ACAN: variants seen among roughly 807,000 people sequenced by gnomAD.
ACAN encodes the protein aggrecan core protein.
A neutral mutation model predicts 169.1 loss-of-function variants in ACAN; 47 were observed. The observed-to-expected ratio is 0.28, with a 90% CI of 0.22 to 0.35. The LOEUF is 0.35. ACAN is among the 10% of genes least tolerant of loss of function. The pLI, the probability that ACAN is intolerant of heterozygous loss-of-function variation, is 1.00. For missense variants in ACAN, 2,716 were observed against 2,759.9 expected, an observed-to-expected ratio of 0.98 and a Z score of 0.36; for synonymous variants, 1,115 against 1,112.2, an observed-to-expected ratio of 1.00 and a Z score of -0.05.
intron 1 of ACAN, among the ~76,000 whole-genome samples, chr15:88,819,688 C>T (rs1896026890): frequency 6.6e-6 from 1 of 151,888 alleles, no homozygotes; most frequent in South Asian, 2.1e-4. Flanking sequence ...ATCACTTGAA[C>T]CCAGGAATTG....
intron 13 of ACAN, among the ~76,000 whole-genome samples, chr15:88,865,320 G>A (rs940946740): frequency 1.3e-5 from 2 of 152,026 alleles, no homozygotes; most frequent in Non-Finnish European, 2.9e-5. Context: ...CCTCCACGTG[G>A]GGCAGAAGCC....
intron 5 of ACAN, 91 bp downstream of exon 5, chr15:88,841,958 A>T: frequency 6.5e-7 from 1 of 1,542,852 alleles, no homozygotes; most frequent in Non-Finnish European, 8.9e-7. Flanking sequence ...GAGATCACAC[A>T]GGCTGCCAGC....
chr15:88,859,708 G>A (rs1029103619), intron 12 of ACAN, among the ~76,000 whole-genome samples: 1 of 152,206 alleles, frequency 6.6e-6, no homozygotes, highest in African/African-American at 2.4e-5. Context: ...TGATGTTATC[G>A]TTACAGCGGA....
At chr15:88,830,608 C>CTACAAATACTTCCCTT (rs1896335463) in intron 1 of ACAN, among the ~76,000 whole-genome samples, 1 of 151,916 alleles carries the variant, frequency 6.6e-6, no homozygotes, top group Non-Finnish European at 1.5e-5. Flanking sequence ...ATACTTCCCT[C>CTACAAATACTTCCCTT]TGTGTATCTA....
rs1243808924 is a variant in ACAN at position 88,839,970 on chromosome 15, C to A, written c.455-42C>A. 22 of 1,566,838 alleles carry A rather than the reference C, an allele frequency of 1.4e-5. No homozygotes were observed. The highest frequency in any genetic ancestry group is 1.8e-5 in the Non-Finnish European group (21 of 1,153,572). On this transcript the variant is annotated intron_variant, in intron 3 of 18. Transcript: ENST00000560601. This position sits in a 1 kb window ranked among gnomAD's most constrained non-coding sequence, Gnocchi z 4.5. ...GGGCCTCGGTGATCAGAGACTGTGC[C>A]TGACCAGCTCTTCCGCTTGTGGGCG...
rs748671945 is a variant in ACAN, at chr15:88,855,144, G to C, written c.2559G>C (p.Glu853Asp). Residue 853 changes from glutamate (E) to aspartate (D), a missense_variant, in exon 12 of 19, where the codon GAG (glutamate) becomes GAC (aspartate). Transcript: ENST00000560601. ...TPSPPVPSWTELPSSGEESGA... is the reference protein window; with the variant it reads ...TPSPPVPSWTDLPSSGEESGA... The stretch of plus-strand genomic sequence containing the variant: ...CACCCCCCGTGCCCAGCTGGACTGA[G>C]CTGCCCAGCTCTGGGGAGGAATCTG... 1.5e-4 allele frequency: 246 copies of C among 1,609,572 alleles called. 1 individual carries two copies. Among genetic ancestry groups the C allele is most frequent in the Admixed American group, 1.8e-4 (11 of 59,786 alleles).
chr15:88,868,052 GGCAGCAGCA>G lies in ACAN; in HGVS notation c.6947-148_6947-140del, dbSNP rs541175678. ...GATCTTTGCTTCAGCACTCCAAGAT[GGCAGCAGCA>G]GCAGCAGCAGCAGCAACAGTTCTCA... On this transcript the variant is annotated intron_variant, in intron 13 of 18. Transcript: ENST00000560601. The surrounding 1 kb of genome is among the most constrained non-coding windows in gnomAD (Gnocchi z 5.2). 3.9e-5 allele frequency among the ~76,000 whole-genome samples: 6 copies of G among 152,096 alleles called. No individual in the cohort carries two copies. The highest frequency in any genetic ancestry group is 3.4e-3 in the Middle Eastern group (1 of 292).
chr15:88,848,413 A>G (rs1896848214), intron 9 of ACAN, among the ~76,000 whole-genome samples: 1 of 151,622 alleles, frequency 6.6e-6, no homozygotes, highest in African/African-American at 2.4e-5. Context: ...TGCAGTAAAA[A>G]CAAAAACAAA....
At chr15:88,864,888 TAGTTCAGTATCATTTG>T (rs1333370127) in intron 13 of ACAN, among the ~76,000 whole-genome samples, 1 of 152,232 alleles carries the variant, frequency 6.6e-6, no homozygotes. Context: ...GCAACCCTTT[TAGTTCAGTATCATTTG>T]AGTTTTAGCA....
chr15:88,826,353 T>C (rs554294466), intron 1 of ACAN, among the ~76,000 whole-genome samples: 29 of 151,782 alleles, frequency 1.9e-4, no homozygotes, highest in African/African-American at 6.5e-4. Flanking sequence ...AGCAGGGCAT[T>C]TGTATAGTGG....
intron 13 of ACAN, among the ~76,000 whole-genome samples, chr15:88,862,694 G>A (rs1176908874): frequency 6.6e-6 from 1 of 152,160 alleles, no homozygotes; most frequent in Non-Finnish European, 1.5e-5. Context: ...GGAACTACAG[G>A]TTGTTAAAAA....
intron 1 of ACAN, among the ~76,000 whole-genome samples, chr15:88,820,938 T>C (rs574207728): frequency 1.3e-5 from 2 of 152,212 alleles, no homozygotes; most frequent in South Asian, 2.1e-4. Context: ...TCAGGAAGCA[T>C]ACAATCATGG....
chr15:88,827,972 G>A (rs1237223987), intron 1 of ACAN, among the ~76,000 whole-genome samples: 4 of 152,036 alleles, frequency 2.6e-5, no homozygotes, highest in Non-Finnish European at 5.9e-5. Context: ...CCTGGCCATC[G>A]CACCCACCCA....
At chr15:88,811,285 T>G (rs1379491940) in intron 1 of ACAN, among the ~76,000 whole-genome samples, 1 of 152,030 alleles carries the variant, frequency 6.6e-6, no homozygotes, top group Admixed American at 6.5e-5. Flanking sequence ...ACCGTGAAGC[T>G]TTTTTTTCCT....
intron 1 of ACAN, among the ~76,000 whole-genome samples, chr15:88,808,295 T>A (rs1330924564): frequency 1.3e-5 from 2 of 152,176 alleles, no homozygotes; most frequent in Non-Finnish European, 2.9e-5. Context: ...CCAGAGCAGG[T>A]TGGTAAGAAT....
intron 1 of ACAN, among the ~76,000 whole-genome samples, chr15:88,827,118 A>G (rs1241642217): frequency 3.3e-5 from 5 of 152,208 alleles, no homozygotes; most frequent in Non-Finnish European, 5.9e-5. Flanking sequence ...TCCTGAAGCC[A>G]TGGCATAAGT....
intron 1 of ACAN, among the ~76,000 whole-genome samples, chr15:88,808,980 T>TC (rs1895754495): frequency 1.3e-5 from 2 of 152,200 alleles, no homozygotes; most frequent in African/African-American, 4.8e-5. Context: ...CCTAGCTGTA[T>TC]CCCCTTGGGT....
chr15:88,834,144 G>A (rs1357473073), intron 1 of ACAN, among the ~76,000 whole-genome samples: 2 of 152,164 alleles, frequency 1.3e-5, no homozygotes, highest in Non-Finnish European at 2.9e-5. Flanking sequence ...CATCTAGGTA[G>A]AAAAATCCCT....
At chr15:88,806,257 G>T (rs1375222566) in intron 1 of ACAN, among the ~76,000 whole-genome samples, 1 of 152,060 alleles carries the variant, frequency 6.6e-6, no homozygotes, top group Non-Finnish European at 1.5e-5. Flanking sequence ...CAGCTCCTAA[G>T]CCCCCTTGTG....
Sources: gnomAD v4.1 joint callset for allele counts (sites outside exome capture counted in the v4.1 genomes callset) on GRCh38, gnomAD v4.1.1 for gene constraint, Gnocchi (gnomAD v3.1) non-coding constraint, MANE v1.5 for transcripts, NCBI Gene and HGNC (gene_info 2026-07-23, HGNC 2026-07-21) for gene names.